The following SGCD variants were observed in gnomAD, a reference collection of about 807,000 sequenced individuals.
SGCD encodes the protein sarcoglycan delta, also known as delta-sarcoglycan.
SGCD carries 18 observed loss-of-function variants against 36.6 expected under a neutral mutation model. The observed-to-expected ratio is 0.49, with a 90% CI of 0.34 to 0.73. SGCD has a LOEUF of 0.73. Among genes scored for constraint, SGCD ranks in the 30% least tolerant of loss-of-function variants. The pLI is 0.01. For missense variants in SGCD, 387 were observed against 346.7 expected (o/e 1.12, Z -0.92); for synonymous variants, 133 against 130.6 (o/e 1.02, Z -0.12).
intron 3 of SGCD, among the ~76,000 whole-genome samples, chr5:156,204,620 T>C (rs971144689): frequency 6.6e-6 from 1 of 152,106 alleles, no homozygotes; most frequent in African/African-American, 2.4e-5. Flanking sequence ...GTCACCCTTC[T>C]CAGCCTCACT....
chr5:156,088,411 TA>T (rs1316484506), intron 1 of SGCD, among the ~76,000 whole-genome samples: 1 of 152,192 alleles, frequency 6.6e-6, no homozygotes, highest in Non-Finnish European at 1.5e-5. Context: ...GTCCACTACT[TA>T]AGGTCTTCTG....
chr5:156,198,411 C>A lies in SGCD; in HGVS notation c.-44+74392C>A, dbSNP rs190084985. On this transcript the variant is annotated intron_variant, in intron 3 of 9. Coordinates refer to the SGCD transcript ENST00000517913. Reference sequence around the variant, plus strand: ...ATTGAGAGACACCATGCTAGGTACTCTGCCTTTATTAATTCACTTAATTAT... The same window carrying A: ...ATTGAGAGACACCATGCTAGGTACTATGCCTTTATTAATTCACTTAATTAT... Among the ~76,000 whole-genome samples, 7 of 152,238 alleles carry A rather than the reference C, an allele frequency of 4.6e-5. No homozygotes were observed. In the East Asian group the frequency reaches 1.4e-3, roughly 29 times the overall value.
chr5:156,523,459 G>A (rs537140412), intron 4 of SGCD, among the ~76,000 whole-genome samples: 243 of 152,238 alleles, frequency 1.6e-3, no homozygotes, highest in Middle Eastern at 3.4e-3. Flanking sequence ...TGTATTTCTC[G>A]TAAGAGTTAA....
At chr5:156,194,538 A>G (rs1193829456) in intron 3 of SGCD, among the ~76,000 whole-genome samples, 1 of 152,158 alleles carries the variant, frequency 6.6e-6, no homozygotes, top group Non-Finnish European at 1.5e-5. Context: ...ATTGTGTTAT[A>G]TTCTATTTTA....
intron 1 of SGCD, among the ~76,000 whole-genome samples, chr5:156,110,340 C>G (rs927755166): frequency 1.3e-5 from 2 of 152,056 alleles, no homozygotes; most frequent in Non-Finnish European, 2.9e-5. Context: ...TTTTGCTGAC[C>G]TCTATGAGGC....
At chr5:155,981,743 G>A (rs1037510434) in intron 1 of SGCD, among the ~76,000 whole-genome samples, 5 of 152,072 alleles carry the variant, frequency 3.3e-5, no homozygotes, top group African/African-American at 7.2e-5. Context: ...TGCTATATCT[G>A]ATTGTATCCT....
intron 3 of SGCD, among the ~76,000 whole-genome samples, chr5:156,425,555 C>T (rs573866010): frequency 9.8e-4 from 149 of 151,632 alleles, no homozygotes; most frequent in African/African-American, 2.4e-3. Flanking sequence ...ACTTGGATGA[C>T]GGGTTTTTTT....
chr5:155,924,510 A>G (rs1338184683), intron 1 of SGCD, among the ~76,000 whole-genome samples: 2 of 152,234 alleles, frequency 1.3e-5, no homozygotes, highest in African/African-American at 2.4e-5. Context: ...CTTAAAGAGC[A>G]TGGCGTATAG....
chr5:156,188,433 G>T (rs1348619036), intron 3 of SGCD, among the ~76,000 whole-genome samples: 1 of 152,126 alleles, frequency 6.6e-6, no homozygotes, highest in Non-Finnish European at 1.5e-5. Flanking sequence ...TTTAAAGGAG[G>T]TCTCAGGCTA....
At chr5:155,860,670 T>C in the SGCD span, among the ~76,000 whole-genome samples, 14 of 152,328 alleles carry the variant, frequency 9.2e-5, no homozygotes, top group Non-Finnish European at 1.3e-4. Flanking sequence ...CCTTGCAAAG[T>C]ATTCTTGATG....
chr5:156,330,216 T>G (rs1301868732), intron 2 of SGCD, among the ~76,000 whole-genome samples: 3 of 152,114 alleles, frequency 2.0e-5, no homozygotes, highest in African/African-American at 7.2e-5. Flanking sequence ...GAATGCTGAA[T>G]GGTAAGTATA....
chr5:156,522,499 G>T (rs998730245), intron 4 of SGCD, among the ~76,000 whole-genome samples: 6 of 151,846 alleles, frequency 4.0e-5, no homozygotes, highest in African/African-American at 9.7e-5. Context: ...ACCAAACGTC[G>T]CATGTTCTTA....
intron 7 of SGCD, among the ~76,000 whole-genome samples, chr5:156,733,225 G>A (rs1756171245): frequency 6.6e-6 from 1 of 152,016 alleles, no homozygotes; most frequent in Admixed American, 6.6e-5. Flanking sequence ...CACTTCCTTA[G>A]CTGTGTCCCC....
At chr5:156,616,562 G>T (rs1038104333) in intron 6 of SGCD, among the ~76,000 whole-genome samples, 2 of 152,176 alleles carry the variant, frequency 1.3e-5, no homozygotes, top group African/African-American at 4.8e-5. Flanking sequence ...TACTTGATAA[G>T]TTGTCTCTCC....
intron 4 of SGCD, among the ~76,000 whole-genome samples, chr5:156,572,972 G>T (rs898990424): frequency 1.3e-5 from 2 of 151,898 alleles, no homozygotes; most frequent in East Asian, 3.9e-4. Flanking sequence ...GAAATTTAGG[G>T]TACACAAAAA....
At chr5:155,995,219 G>A (rs1758517271) in intron 1 of SGCD, among the ~76,000 whole-genome samples, 1 of 152,160 alleles carries the variant, frequency 6.6e-6, no homozygotes, top group Non-Finnish European at 1.5e-5. Flanking sequence ...ATCTCTACAA[G>A]AGGAGGTCCA....
chr5:155,956,610 A>T (rs1364721916), intron 1 of SGCD, among the ~76,000 whole-genome samples: 1 of 152,130 alleles, frequency 6.6e-6, no homozygotes, highest in Non-Finnish European at 1.5e-5. Context: ...GAGGCCAGAA[A>T]TCGAAAGTCA....
chr5:156,718,063 A>G (rs1296009633), intron 7 of SGCD, among the ~76,000 whole-genome samples: 1 of 152,096 alleles, frequency 6.6e-6, no homozygotes, highest in Non-Finnish European at 1.5e-5. Context: ...GCAGCTCAAA[A>G]GCTACTTTCT....
intron 1 of SGCD, among the ~76,000 whole-genome samples, chr5:156,114,848 T>C (rs1761872418): frequency 1.3e-5 from 2 of 152,064 alleles, no homozygotes; most frequent in Non-Finnish European, 2.9e-5. Context: ...CTCTTACACA[T>C]ATTTTTTGCG....
Sources: allele counts gnomAD v4.1 joint callset (sites outside exome capture counted in the v4.1 genomes callset), GRCh38; gene constraint gnomAD v4.1.1; transcripts MANE v1.5; gene names NCBI Gene and HGNC (gene_info 2026-07-23, HGNC 2026-07-21).